PLXNA2: variants seen among roughly 807,000 people sequenced by gnomAD.
PLXNA2 encodes plexin-A2.
A neutral mutation model predicts 193.5 loss-of-function variants in PLXNA2; 91 were observed. The observed-to-expected ratio is 0.47, with a 90% CI of 0.40 to 0.56. PLXNA2 has a LOEUF of 0.56. Among genes scored for constraint, PLXNA2 ranks in the 20% least tolerant of loss-of-function variants. The probability of loss-of-function intolerance (pLI) is 0.00; values close to 1 mark genes in which losing one functional copy is unlikely to be tolerated. For synonymous variants in PLXNA2, 997 were observed against 1,027.3 expected (o/e 0.97, Z 0.56); for missense variants, 1,995 against 2,503.2 (o/e 0.80, Z 4.33).
At chr1:208,219,618 A>G (rs890248830) in intron 1 of PLXNA2, among the ~76,000 whole-genome samples, 6 of 152,166 alleles carry the variant, frequency 3.9e-5, no homozygotes, top group Non-Finnish European at 7.3e-5. Flanking sequence ...ATTAGAACAG[A>G]CACCACTTAG....
chr1:208,094,017 G>A (rs1357797201), intron 8 of PLXNA2, among the ~76,000 whole-genome samples: 1 of 152,176 alleles, frequency 6.6e-6, no homozygotes, highest in East Asian at 1.9e-4. Flanking sequence ...ACAGGCCATA[G>A]TATGTTGGGT....
chr1:208,232,194 G>T (rs928476325), intron 1 of PLXNA2, among the ~76,000 whole-genome samples: 1 of 152,206 alleles, frequency 6.6e-6, no homozygotes, highest in Non-Finnish European at 1.5e-5. Flanking sequence ...AGATGGAAAG[G>T]ATCCAAAAGC....
chr1:208,139,398 A>G (rs557312310), intron 4 of PLXNA2, among the ~76,000 whole-genome samples: 5 of 151,994 alleles, frequency 3.3e-5, no homozygotes, highest in African/African-American at 1.2e-4. Context: ...CCATCTCTAT[A>G]CTCCTGAGAA....
chr1:208,109,740 A>G (rs1414974645), intron 4 of PLXNA2, among the ~76,000 whole-genome samples: 4 of 152,150 alleles, frequency 2.6e-5, no homozygotes, highest in Non-Finnish European at 5.9e-5. Context: ...CTCTTCTCAG[A>G]TATACTGCAA....
chr1:208,151,058 G>A lies in PLXNA2; in HGVS notation c.1372-8595C>T, dbSNP rs142550697. Among the ~76,000 whole-genome samples the A allele has an allele frequency of 4.9e-3, 752 of 152,316 alleles. 5 individuals are homozygous for A. The highest frequency in any genetic ancestry group is 0.037 in the Middle Eastern group (11 of 294). ...GGAACAAGACGAAGCTGCCAGGGGCGGAGGAAGCATTTGATTGTTCTGGGA... is the reference window on the plus strand; with the variant it reads ...GGAACAAGACGAAGCTGCCAGGGGCAGAGGAAGCATTTGATTGTTCTGGGA... On this transcript the variant is annotated intron_variant, in intron 3 of 31. Transcript: ENST00000367033.
chr1:208,210,289 C>T lies in PLXNA2; in HGVS notation c.1362G>A (p.Lys454=), dbSNP rs779518451. The stretch of plus-strand genomic sequence containing the variant: ...ACTCATAGACTCTTACCTTTTTCAG[C>T]TTGCCACTCTTAGTCCCCACAAAAA... ...SVVFVGTKSG[K]LKKIRADGPP... The change falls in exon 3 of 32, where the codon AAG becomes AAA. Residue 454 remains lysine (K), a synonymous_variant. Transcript: ENST00000367033. 1 of 1,613,774 alleles carries T rather than the reference C, an allele frequency of 6.2e-7. No homozygotes were observed. The highest frequency in any genetic ancestry group is 2.2e-5 in the East Asian group (1 of 44,802).
At chr1:208,185,909 G>T (rs1338073688) in intron 3 of PLXNA2, among the ~76,000 whole-genome samples, 1 of 152,046 alleles carries the variant, frequency 6.6e-6, no homozygotes, top group African/African-American at 2.4e-5. Flanking sequence ...GAGCAGGAGG[G>T]CAGGGCAGAT....
intron 12 of PLXNA2, among the ~76,000 whole-genome samples, chr1:208,072,391 G>C (rs1009202322): frequency 2.0e-5 from 3 of 152,130 alleles, no homozygotes; most frequent in East Asian, 3.8e-4. Context: ...ACATCTTAAG[G>C]GTGGTGGGTT....
Position 208,045,105 on chromosome 1 carries a change from A to G in PLXNA2, c.3601T>C (p.Cys1201Arg). ...TGCCCGGTGAGGTTGGGAGGCTCGC[A>G]GAGAAGCTGGGTCTCAGATACGGTG... is the stretch of plus-strand genomic sequence containing the variant. The part of the protein sequence containing the change: ...AVTVSETQLL[C>R]EPPNLTGQHK... Residue 1201 changes from cysteine (C) to arginine (R), a missense_variant, in exon 19 of 32, where the codon TGC becomes CGC. By Grantham distance (180) the Cys-to-Arg change is radical. Transcript: ENST00000367033. 1 of 1,614,174 alleles carries G rather than the reference A, an allele frequency of 6.2e-7. No homozygotes were observed. Among genetic ancestry groups the G allele is most frequent in the Middle Eastern group, 1.6e-4 (1 of 6,062 alleles).
chr1:208,206,338 G>A (rs1391785472), intron 3 of PLXNA2, among the ~76,000 whole-genome samples: 2 of 152,180 alleles, frequency 1.3e-5, no homozygotes, highest in East Asian at 1.9e-4. Flanking sequence ...GACTAACTTT[G>A]TTGAAGCAAT....
At chr1:208,108,489 G>GC (rs926718833) in intron 4 of PLXNA2, among the ~76,000 whole-genome samples, 10 of 152,300 alleles carry the variant, frequency 6.6e-5, no homozygotes, top group Non-Finnish European at 1.3e-4. Context: ...TGCCAAGTGA[G>GC]CCTGGGGACA....
intron 3 of PLXNA2, among the ~76,000 whole-genome samples, chr1:208,181,153 T>C (rs575104059): frequency 2.9e-4 from 44 of 152,286 alleles, no homozygotes; most frequent in African/African-American, 1.0e-3. Flanking sequence ...ATAAGAAGCA[T>C]CAGAGAGGCT....
At position 208,043,255 on chromosome 1, in the gene PLXNA2, G is replaced by A. The variant is rs764915262; in HGVS notation, c.3875-52C>T. ...TCGTGGGGAAGCCCCAGTCGGGGGA[G>A]GAGAAAGAGGGAGAAGAAGTTTGCA... On this transcript the variant is annotated intron_variant, in intron 20 of 31. Coordinates refer to ENST00000367033, the MANE Select transcript of PLXNA2 (RefSeq NM_025179.4). 26 of 1,573,324 alleles carry A rather than the reference G, an allele frequency of 1.7e-5. No individual in the cohort carries two copies. In the South Asian group the frequency reaches 2.4e-4, roughly 14 times the overall value.
chr1:208,180,966 T>G (rs1196458863), intron 3 of PLXNA2, among the ~76,000 whole-genome samples: 1 of 151,462 alleles, frequency 6.6e-6, no homozygotes, highest in Non-Finnish European at 1.5e-5. Context: ...GAGGCTGACT[T>G]CTCTGCGACC....
At chr1:208,159,060 C>T (rs1198569736) in intron 3 of PLXNA2, among the ~76,000 whole-genome samples, 3 of 152,162 alleles carry the variant, frequency 2.0e-5, no homozygotes, top group Non-Finnish European at 4.4e-5. Context: ...GGGCGATGGT[C>T]AAAGGTTACT....
intron 3 of PLXNA2, among the ~76,000 whole-genome samples, chr1:208,186,023 C>T (rs899349473): frequency 1.2e-4 from 18 of 152,132 alleles, no homozygotes; most frequent in African/African-American, 3.1e-4. Context: ...CCAGTGTACA[C>T]GCACAGGTGG....
At chr1:208,229,031 G>A (rs934131072) in intron 1 of PLXNA2, among the ~76,000 whole-genome samples, 38 of 152,288 alleles carry the variant, frequency 2.5e-4, no homozygotes, top group Admixed American at 2.2e-3. Context: ...GGGGAAAACC[G>A]GTCCTGAGGA....
At chr1:208,139,208 A>T (rs1253146189) in intron 4 of PLXNA2, among the ~76,000 whole-genome samples, 1 of 152,194 alleles carries the variant, frequency 6.6e-6, no homozygotes. Flanking sequence ...TCTGAAAGAG[A>T]CTTTAGAGTT....
chr1:208,089,571 T>C (rs1558186201), intron 9 of PLXNA2, among the ~76,000 whole-genome samples: 1 of 152,302 alleles, frequency 6.6e-6, no homozygotes, highest in East Asian at 1.9e-4. Context: ...GCCCAAGAAT[T>C]TGAATTTCTA....
Sources: allele counts gnomAD v4.1 joint callset (sites outside exome capture counted in the v4.1 genomes callset), GRCh38; gene constraint gnomAD v4.1.1; transcripts MANE v1.5; gene names NCBI Gene and HGNC (gene_info 2026-07-23, HGNC 2026-07-21).